The following CCBE1 variants were observed in gnomAD, a reference collection of about 807,000 sequenced individuals.
CCBE1 encodes collagen and calcium-binding EGF domain-containing protein 1.
In CCBE1, 37 loss-of-function variants were observed where a neutral mutation model predicts 50.0. That is an observed-to-expected ratio of 0.74 (90% CI 0.57 to 0.97). The LOEUF is 0.97. CCBE1 is among the 50% of genes least tolerant of loss of function. The pLI, the probability that CCBE1 is intolerant of heterozygous loss-of-function variation, is 0.00. For synonymous variants in CCBE1, 234 were observed against 203.7 expected, an observed-to-expected ratio of 1.15 and a Z score of -1.27; for missense variants, 538 against 523.8, an observed-to-expected ratio of 1.03 and a Z score of -0.26.
intron 2 of CCBE1, among the ~76,000 whole-genome samples, chr18:59,526,396 G>A (rs551435404): frequency 9.3e-5 from 14 of 149,782 alleles, no homozygotes; most frequent in African/African-American, 1.5e-4. Context: ...TGCAACCTCC[G>A]CCTCCTGGGT....
intron 2 of CCBE1, among the ~76,000 whole-genome samples, chr18:59,559,653 C>A (rs1419237665): frequency 6.6e-6 from 1 of 152,212 alleles, no homozygotes; most frequent in East Asian, 1.9e-4. Flanking sequence ...TCCAAATAAC[C>A]AAAGACCACG....
chr18:59,645,586 A>T (rs1429876806), intron 2 of CCBE1, among the ~76,000 whole-genome samples: 1 of 152,220 alleles, frequency 6.6e-6, no homozygotes, highest in African/African-American at 2.4e-5. Flanking sequence ...TAAGATGTTC[A>T]AATGGAATAT....
chr18:59,653,620 G>C (rs934615011), intron 2 of CCBE1, among the ~76,000 whole-genome samples: 2 of 152,070 alleles, frequency 1.3e-5, no homozygotes, highest in Non-Finnish European at 2.9e-5. Flanking sequence ...ATTGACCAAG[G>C]TCACCCAGTA....
chr18:59,525,155 G>A (rs1394151676), intron 2 of CCBE1, among the ~76,000 whole-genome samples: 1 of 152,202 alleles, frequency 6.6e-6, no homozygotes, highest in Non-Finnish European at 1.5e-5. Flanking sequence ...TCATTTCACT[G>A]TCTTCCACAA....
At chr18:59,526,280 T>C (rs187629909) in intron 2 of CCBE1, among the ~76,000 whole-genome samples, 3 of 152,002 alleles carry the variant, frequency 2.0e-5, no homozygotes, top group Admixed American at 2.0e-4. Context: ...CTAGTTCTTT[T>C]AGTTGTGATG....
intron 2 of CCBE1, among the ~76,000 whole-genome samples, chr18:59,620,303 G>A (rs150013864): frequency 6.6e-6 from 1 of 152,258 alleles, no homozygotes; most frequent in African/African-American, 2.4e-5. Flanking sequence ...CTGTTTCTAG[G>A]ACTTTCTAGG....
intron 2 of CCBE1, among the ~76,000 whole-genome samples, chr18:59,509,169 G>T (rs1366157687): frequency 1.3e-5 from 2 of 152,138 alleles, no homozygotes; most frequent in Non-Finnish European, 2.9e-5. Context: ...TCGACAGACA[G>T]ACTGAGAAAC....
At chr18:59,496,519 C>T (rs1913363318) in intron 2 of CCBE1, among the ~76,000 whole-genome samples, 1 of 152,198 alleles carries the variant, frequency 6.6e-6, no homozygotes. Flanking sequence ...GAGCAAAGGA[C>T]AGACTCAAAA....
intron 2 of CCBE1, among the ~76,000 whole-genome samples, chr18:59,628,071 G>A (rs186901189): frequency 1.3e-5 from 2 of 152,030 alleles, no homozygotes; most frequent in Admixed American, 6.5e-5. Flanking sequence ...AAAATTATCC[G>A]AGTGTGGTGG....
intron 2 of CCBE1, among the ~76,000 whole-genome samples, chr18:59,508,326 G>T (rs993712858): frequency 2.0e-5 from 3 of 151,978 alleles, no homozygotes; most frequent in Admixed American, 2.0e-4. Context: ...CACTGGGTGT[G>T]GTGGCTCACG....
At chr18:59,587,197 A>G (rs2053190837) in intron 2 of CCBE1, among the ~76,000 whole-genome samples, 1 of 152,256 alleles carries the variant, frequency 6.6e-6, no homozygotes, top group African/African-American at 2.4e-5. Flanking sequence ...CTTAAAGCCC[A>G]GTAACTATGA....
At chr18:59,538,301 A>G (rs1220646789) in intron 2 of CCBE1, among the ~76,000 whole-genome samples, 1 of 152,234 alleles carries the variant, frequency 6.6e-6, no homozygotes, top group Non-Finnish European at 1.5e-5. Flanking sequence ...ATACATGCAC[A>G]TTTGTTTCCT....
At chr18:59,578,826 C>T (rs2053040637) in intron 2 of CCBE1, among the ~76,000 whole-genome samples, 1 of 152,160 alleles carries the variant, frequency 6.6e-6, no homozygotes, top group African/African-American at 2.4e-5. Context: ...GGAGGGATAG[C>T]ATTAGGAGAA....
At chr18:59,530,591 A>G (rs958595419) in intron 2 of CCBE1, among the ~76,000 whole-genome samples, 3 of 152,204 alleles carry the variant, frequency 2.0e-5, no homozygotes, top group African/African-American at 4.8e-5. Flanking sequence ...TACACTGATA[A>G]GATATCTGCT....
intron 3 of CCBE1, among the ~76,000 whole-genome samples, chr18:59,476,900 A>T (rs1912331734): frequency 6.6e-6 from 1 of 152,230 alleles, no homozygotes; most frequent in South Asian, 2.1e-4. Context: ...CAGGTCCCAG[A>T]ATCAAGGGGT....
chr18:59,697,197 G>T lies in CCBE1; in HGVS notation c.131+15C>A. ...AAGCAGGAGCTCGCCCTCCGCTGGG[G>T]CTTGCAGCGCTTACCTGTCGCCGTC... On this transcript the variant is annotated intron_variant, in intron 1 of 10. Transcript: ENST00000439986. 1 of 1,548,350 alleles carries T rather than the reference G, an allele frequency of 6.5e-7. No homozygotes were observed. The highest frequency in any genetic ancestry group is 1.4e-5 in the African/African-American group (1 of 73,110).
chr18:59,542,392 A>T (rs2144386166), intron 2 of CCBE1, among the ~76,000 whole-genome samples: 1 of 152,306 alleles, frequency 6.6e-6, no homozygotes, highest in East Asian at 1.9e-4. Flanking sequence ...TACATTCCAC[A>T]AAGGCAGAAT....
chr18:59,645,815 A>G (rs1354843906), intron 2 of CCBE1, among the ~76,000 whole-genome samples: 2 of 152,174 alleles, frequency 1.3e-5, no homozygotes, highest in African/African-American at 4.8e-5. Flanking sequence ...GCGGATCACA[A>G]GATCAGGAGA....
chr18:59,677,923 T>C (rs76823665), intron 2 of CCBE1, among the ~76,000 whole-genome samples: 1,631 of 152,146 alleles, frequency 0.011, 25 homozygotes, highest in African/African-American at 0.038. Flanking sequence ...TAAGATACAG[T>C]AAAAGAAAGG....
Sources: allele counts gnomAD v4.1 joint callset (sites outside exome capture counted in the v4.1 genomes callset), GRCh38; gene constraint gnomAD v4.1.1; transcripts MANE v1.5; gene names NCBI Gene and HGNC (gene_info 2026-07-23, HGNC 2026-07-21).